FGD3: variants seen among roughly 807,000 people sequenced by gnomAD.
FGD3 encodes FYVE, RhoGEF and PH domain-containing protein 3.
Under a neutral mutation model 71.8 loss-of-function variants are expected in FGD3, and 45 were observed. That is an observed-to-expected ratio of 0.63 (90% CI 0.49 to 0.80). The LOEUF (loss-of-function observed/expected upper bound fraction) is 0.80, where lower values mean the gene tolerates loss of function less well. Among genes scored for constraint, FGD3 ranks in the 30% least tolerant of loss-of-function variants. FGD3 has a pLI of 0.00. For synonymous variants in FGD3, 378 were observed against 392.8 expected (o/e 0.96, Z 0.44); for missense variants, 844 against 951.5 (o/e 0.89, Z 1.49).
chr9:92,995,511 G>A lies in FGD3; in HGVS notation c.454-7414G>A, dbSNP rs1177216988. 9.9e-5 allele frequency among the ~76,000 whole-genome samples: 15 copies of A among 152,268 alleles called. No homozygotes were observed. In the East Asian group the frequency reaches 1.5e-3, roughly 16 times the overall value. On this transcript the variant is annotated intron_variant, in intron 3 of 17. Transcript: ENST00000375482. ...CCCTGGCCAGAACTTCCAACACTAC[G>A]TTGAATAGGAGTGGTGAGAGAGGGC... is the stretch of plus-strand genomic sequence containing the variant.
chr9:92,956,230 A>C (rs998970832), intron 1 of FGD3, among the ~76,000 whole-genome samples: 1 of 151,924 alleles, frequency 6.6e-6, no homozygotes, highest in Non-Finnish European at 1.5e-5. Flanking sequence ...CTCAGCATGC[A>C]TTTTCGTTTC....
At chr9:92,973,985 G>A (rs1859629765) in intron 1 of FGD3, among the ~76,000 whole-genome samples, 1 of 152,212 alleles carries the variant, frequency 6.6e-6, no homozygotes, top group African/African-American at 2.4e-5. Context: ...TGGTCTCTGG[G>A]CAGTGAGCTG....
intron 3 of FGD3, among the ~76,000 whole-genome samples, chr9:92,988,939 T>C (rs1341282416): frequency 6.6e-6 from 1 of 152,242 alleles, no homozygotes. Flanking sequence ...ACTACATTAG[T>C]CTGCCTTGTT....
intron 11 of FGD3, among the ~76,000 whole-genome samples, chr9:93,018,915 G>A (rs1222658782): frequency 2.0e-5 from 3 of 151,806 alleles, no homozygotes; most frequent in Non-Finnish European, 2.9e-5. Context: ...GCACAATCTC[G>A]GCTCACTGCA....
At position 93,004,686 on chromosome 9, in the gene FGD3, C is replaced by T. The variant is rs149565973; in HGVS notation, c.680+549C>T. Among the ~76,000 whole-genome samples, 408 of 152,180 alleles carry T rather than the reference C, an allele frequency of 2.7e-3. 2 individuals carry two copies. The highest frequency in any genetic ancestry group is 9.3e-3 in the African/African-American group (386 of 41,502). On this transcript the variant is annotated intron_variant, in intron 5 of 17. Coordinates refer to ENST00000375482, the MANE Select transcript of FGD3 (RefSeq NM_001083536.2). ...TCCCCACGTTGCGTGTTGCGTTTCC[C>T]CTCATTCTGGGTGCCGCTGCTGTTT...
rs954343406 is a variant in FGD3, at chr9:93,010,964, C to T, written c.977-250C>T. Reference sequence around the variant, plus strand: ...CAACTGGTGTGGCTGGCAGGCAGCCCGGACAGGCGTCTGTGCAGAATCGTG... The same window carrying T: ...CAACTGGTGTGGCTGGCAGGCAGCCTGGACAGGCGTCTGTGCAGAATCGTG... On this transcript the variant is annotated intron_variant, in intron 7 of 17. Coordinates refer to ENST00000375482, the MANE Select transcript of FGD3 (RefSeq NM_001083536.2). 6.1e-5 allele frequency among the ~76,000 whole-genome samples: 9 copies of T among 146,998 alleles called. No homozygotes were observed. In the East Asian group the frequency reaches 1.8e-3, roughly 29 times the overall value.
Position 92,976,343 on chromosome 9 carries a change from A to G in FGD3, c.87A>G (p.Leu29=). The change falls in exon 3 of 18, where the codon CTA becomes CTG. Residue 29 remains leucine, a synonymous_variant. Coordinates refer to ENST00000375482, the MANE Select transcript of FGD3 (RefSeq NM_001083536.2). ...MPDTGPGSSS[L]GKLQALPVGP... Reference sequence around the variant, plus strand: ...ACACTGGGCCTGGCAGTTCCTCCCTAGGGAAGCTTCAGGCGCTCCCTGTTG... The same window carrying G: ...ACACTGGGCCTGGCAGTTCCTCCCTGGGGAAGCTTCAGGCGCTCCCTGTTG... The G allele has an allele frequency of 6.2e-7, 1 of 1,610,818 alleles. No individual in the cohort carries two copies. The highest frequency in any genetic ancestry group is 8.5e-7 in the Non-Finnish European group (1 of 1,179,154).
intron 3 of FGD3, 151 bp downstream of exon 3, chr9:92,976,860 T>A: frequency 1.1e-6 from 1 of 949,504 alleles, no homozygotes; most frequent in Non-Finnish European, 1.5e-6. Flanking sequence ...TGGGATGCAG[T>A]CTGCCCTAGA....
At chr9:92,957,546 T>C (rs1290674869) in intron 1 of FGD3, among the ~76,000 whole-genome samples, 1 of 152,170 alleles carries the variant, frequency 6.6e-6, no homozygotes, top group African/African-American at 2.4e-5. Context: ...ATTTTAAAAA[T>C]GGAATCGTTT....
At position 92,969,396 on chromosome 9, in the gene FGD3, T is replaced by C. The variant is rs1435996198; in HGVS notation, c.-217-5842T>C. The stretch of plus-strand genomic sequence containing the variant: ...ACCTGGCCTCCCACATGCTGCCCTC[T>C]CTAGTTACAGCGAGTCTCTTAGGGG... On this transcript the variant is annotated intron_variant, in intron 1 of 17. Transcript: ENST00000375482. This position sits in a 1 kb window ranked among gnomAD's most constrained non-coding sequence, Gnocchi z 4.5. Among the ~76,000 whole-genome samples, 1 of 152,178 alleles carries C rather than the reference T, an allele frequency of 6.6e-6. No homozygotes were observed. Among genetic ancestry groups the C allele is most frequent in the African/African-American group, 2.4e-5 (1 of 41,446 alleles).
At chr9:92,968,416 T>A in intron 1 of FGD3, among the ~76,000 whole-genome samples, 1 of 151,634 alleles carries the variant, frequency 6.6e-6, no homozygotes, top group Non-Finnish European at 1.5e-5. Flanking sequence ...CTGACCCCCA[T>A]CCCAATTCAG....
At chr9:93,004,846 G>C (rs1036006937) in intron 5 of FGD3, among the ~76,000 whole-genome samples, 1 of 152,190 alleles carries the variant, frequency 6.6e-6, no homozygotes, top group African/African-American at 2.4e-5. Context: ...ACTGGAATGG[G>C]AGGCCAGGGG....
rs72741049 is a variant in FGD3, at chr9:92,969,412, C to T, written c.-217-5826C>T. On this transcript the variant is annotated intron_variant, in intron 1 of 17. Transcript: ENST00000375482. The surrounding 1 kb of genome is among the most constrained non-coding windows in gnomAD (Gnocchi z 4.5). Reference sequence around the variant, plus strand: ...GCTGCCCTCTCTAGTTACAGCGAGTCTCTTAGGGGCTCTGTATTTAGGGGA... The same window carrying T: ...GCTGCCCTCTCTAGTTACAGCGAGTTTCTTAGGGGCTCTGTATTTAGGGGA... 0.036 allele frequency among the ~76,000 whole-genome samples: 5,443 copies of T among 152,304 alleles called. 117 individuals carry two copies. The highest frequency in any genetic ancestry group is 0.075 in the Middle Eastern group (22 of 294).
intron 16 of FGD3, chr9:93,033,293 C>G: frequency 5.7e-6 from 1 of 174,090 alleles, no homozygotes. Context: ...TCCTCCTCCT[C>G]CCCGTCCCCT....
chr9:93,008,811 A>C (rs1425941664), intron 6 of FGD3, among the ~76,000 whole-genome samples: 1 of 152,068 alleles, frequency 6.6e-6, no homozygotes, highest in Non-Finnish European at 1.5e-5. Context: ...TAAAAATACA[A>C]AAATTAGCTG....
At chr9:93,032,570 G>A (rs1418354272) in intron 15 of FGD3, 199 bp from the exon 16 acceptor site, 5 of 589,298 alleles carry the variant, frequency 8.5e-6, no homozygotes, top group South Asian at 3.8e-5. Flanking sequence ...GGTACCAGAC[G>A]CCCAGCAGGG....
Position 92,957,677 on chromosome 9 carries a change from C to CTTTTTTTT in FGD3, c.-218+9960_-218+9967dup, listed in dbSNP as rs60726578. On this transcript the variant is annotated intron_variant, in intron 1 of 17. Transcript: ENST00000375482. ...TGATTTGTCTTTGAAATTTTCTTTTCTTTTTTTTTTTTTTTTTTTGAGACA... is the reference window on the plus strand; with the variant it reads ...TGATTTGTCTTTGAAATTTTCTTTTCTTTTTTTTTTTTTTTTTTTTTTTTTTTGAGACA... 4.9e-5 allele frequency among the ~76,000 whole-genome samples: 5 copies of CTTTTTTTT among 102,232 alleles called. No individual in the cohort carries two copies. The South Asian group carries it at 9.5e-4, about 19-fold the overall frequency. The allele number at this position is 102,232 out of a possible 152,430, so 67.1% of individuals were successfully genotyped here.
chr9:92,986,736 AC>A (rs1411906809), intron 3 of FGD3, among the ~76,000 whole-genome samples: 1 of 152,236 alleles, frequency 6.6e-6, no homozygotes, highest in African/African-American at 2.4e-5. Flanking sequence ...CCACTGGAAA[AC>A]TTGGCCCTGG....
Position 93,035,447 on chromosome 9 carries a change from A to G in FGD3, c.2036A>G (p.Gln679Arg), listed in dbSNP as rs1169233824. 1.2e-6 allele frequency: 2 copies of G among 1,613,114 alleles called. No individual in the cohort carries two copies. The highest frequency in any genetic ancestry group is 1.7e-6 in the Non-Finnish European group (2 of 1,179,796). Residue 679 changes from glutamine to arginine, a missense_variant, in exon 18 of 18, where the codon CAG becomes CGG. Transcript: ENST00000375482. ...GHVWKLQWAK[Q>R]SWYLSASSAE... ...GTGTGGAAGCTGCAGTGGGCCAAGC[A>G]GTCCTGGTACCTGAGCGCCTCCTCC...
Sources: gnomAD v4.1 joint callset for allele counts (sites outside exome capture counted in the v4.1 genomes callset) on GRCh38, gnomAD v4.1.1 for gene constraint, Gnocchi (gnomAD v3.1) non-coding constraint, MANE v1.5 for transcripts, NCBI Gene and HGNC (gene_info 2026-07-23, HGNC 2026-07-21) for gene names.